The following FAM153A variants were observed in gnomAD, a reference collection of about 807,000 sequenced individuals.
FAM153A encodes protein FAM153A.
Under a neutral mutation model 48.1 loss-of-function variants are expected in FAM153A, and 12 were observed. The ratio of observed to expected loss-of-function variants is 0.25; its 90% CI spans 0.16 to 0.40. The LOEUF (loss-of-function observed/expected upper bound fraction) is 0.40, where lower values mean the gene tolerates loss of function less well. Among genes scored for constraint, FAM153A ranks in the 10% least tolerant of loss-of-function variants. FAM153A has a pLI of 1.00. For synonymous variants in FAM153A, 36 were observed against 118.2 expected (o/e 0.30, Z 4.51); for missense variants, 111 against 345.8 (o/e 0.32, Z 5.38).
chr5:177,709,360 A>ATTT (rs70994932), downstream of FAM153A, among the ~76,000 whole-genome samples: 246 of 124,398 alleles, frequency 2.0e-3, 7 homozygotes, highest in South Asian at 5.3e-3. Context: ...TGTAATTAGG[A>ATTT]TTTTTTTTTT....
rs1429678740 is a variant in FAM153A, at chr5:177,746,848, C to G, written c.259+921G>C. On this transcript the variant is annotated intron_variant, in intron 4 of 20. Coordinates refer to ENST00000614127, the Ensembl canonical transcript of FAM153A. ...TGTGAGATCTTGTTGGGTGCTGTGT[C>G]TTGGGTATGTGTGCTACTGAATTGG... 7.8e-3 allele frequency among the ~76,000 whole-genome samples: 1,170 copies of G among 150,884 alleles called. 16 individuals are homozygous for G. Among genetic ancestry groups the G allele is most frequent in the African/African-American group, 0.026 (1,059 of 40,668 alleles).
At chr5:177,753,897 C>G (rs945227275), upstream of FAM153A, among the ~76,000 whole-genome samples, 11 of 151,942 alleles carry the variant, frequency 7.2e-5, no homozygotes, top group South Asian at 2.3e-3. Flanking sequence ...CAGTCTGCAG[C>G]TCCCAGCGTG....
chr5:177,769,910 T>C lies in FAM153A; in HGVS notation c.-57+10539A>G, dbSNP rs1411794545. On this transcript the variant is annotated intron_variant, in intron 1 of 8. Coordinates refer to the FAM153A transcript ENST00000393518. The stretch of plus-strand genomic sequence containing the variant: ...GCAGTACTATATGATATGAAAAATA[T>C]ACAGAAAGAAAACTATCAATGCCCT... 1.8e-4 allele frequency among the ~76,000 whole-genome samples: 17 copies of C among 96,164 alleles called. 5 individuals carry two copies. The highest frequency in any genetic ancestry group is 7.0e-4 in the African/African-American group (17 of 24,306). The allele number at this position is 96,164 out of a possible 152,430, so 63.1% of individuals were successfully genotyped here. A position where few individuals can be genotyped will look rare whatever the true frequency, so the allele number is the denominator to read the frequency against.
chr5:177,761,961 C>T (rs1182434591), intron 1 of FAM153A, among the ~76,000 whole-genome samples: 2 of 28,546 alleles, frequency 7.0e-5, no homozygotes, highest in African/African-American at 1.5e-4. Flanking sequence ...AATAACCATC[C>T]GCAGCTGCCC....
chr5:177,702,385 C>T, the FAM153A span, among the ~76,000 whole-genome samples: 3 of 151,750 alleles, frequency 2.0e-5, no homozygotes, highest in Non-Finnish European at 4.4e-5. Flanking sequence ...ACAACCTACA[C>T]TCATATGCAT....
chr5:177,721,706 T>C (rs1272645435), downstream of FAM153A, among the ~76,000 whole-genome samples: 1 of 96,470 alleles, frequency 1.0e-5, no homozygotes, highest in Non-Finnish European at 2.1e-5. Context: ...TTTTTTTTTT[T>C]GTAGGGATGA....
At chr5:177,701,127 T>TC in the FAM153A span, among the ~76,000 whole-genome samples, 1 of 151,814 alleles carries the variant, frequency 6.6e-6, no homozygotes, top group Admixed American at 6.6e-5. Flanking sequence ...TCACTCCTGC[T>TC]CCCACCATGT....
At chr5:177,759,157 G>A (rs1460367752) in intron 1 of FAM153A, among the ~76,000 whole-genome samples, 1 of 151,884 alleles carries the variant, frequency 6.6e-6, no homozygotes, top group Admixed American at 6.5e-5. Context: ...AGTGGGCAAA[G>A]GATACGAAGA....
intron 14 of FAM153A, among the ~76,000 whole-genome samples, chr5:177,733,809 A>AATAAAGT (rs1348314095): frequency 1.6e-5 from 2 of 122,122 alleles, no homozygotes; most frequent in Non-Finnish European, 3.5e-5. Context: ...TTTATTAGAA[A>AATAAAGT]ATAAAGTATA....
At chr5:177,737,997 C>T (rs562960181) in intron 10 of FAM153A, among the ~76,000 whole-genome samples, 2 of 151,780 alleles carry the variant, frequency 1.3e-5, no homozygotes, top group Admixed American at 1.3e-4. Flanking sequence ...GTTTGTCCTT[C>T]TGCCCTTCCT....
At chr5:177,745,996 GT>G (rs1417449988) in intron 4 of FAM153A, among the ~76,000 whole-genome samples, 277 of 149,744 alleles carry the variant, frequency 1.8e-3, no homozygotes, top group African/African-American at 6.5e-3. Context: ...GCACACAGAA[GT>G]GCTGGAATAA....
chr5:177,705,275 G>C (rs1757774177), downstream of FAM153A, among the ~76,000 whole-genome samples: 2 of 151,668 alleles, frequency 1.3e-5, no homozygotes, highest in South Asian at 4.2e-4. Context: ...CTATACTCCA[G>C]CCAGAGTGAC....
At chr5:177,738,894 T>G (rs2127656079) in intron 10 of FAM153A, among the ~76,000 whole-genome samples, 1 of 151,452 alleles carries the variant, frequency 6.6e-6, no homozygotes, top group African/African-American at 2.4e-5. Context: ...CCCACCTTGA[T>G]GCACCTCATT....
chr5:177,770,826 GGCCGT>G (rs928849063), intron 1 of FAM153A, among the ~76,000 whole-genome samples: 3 of 99,090 alleles, frequency 3.0e-5, no homozygotes, highest in African/African-American at 1.2e-4. Flanking sequence ...TCATGGGGGA[GGCCGT>G]GCATGTGTGG....
chr5:177,758,989 C>A (rs1193810877), intron 1 of FAM153A, among the ~76,000 whole-genome samples: 2 of 151,686 alleles, frequency 1.3e-5, no homozygotes, highest in African/African-American at 4.9e-5. Flanking sequence ...TCTAATTAAA[C>A]TAAAGAGCTT....
Position 177,711,480 on chromosome 5 carries a change from T to TA in FAM153A, c.*3081dup, listed in dbSNP as rs1174284987. On this transcript the variant is annotated 3_prime_UTR_variant and NMD_transcript_variant, in exon 27 of 27. Transcript: ENST00000360669. ...AAATGACTGGAGAAGCCATGACTTT[T>TA]AAAAAATTGATAGCAGCCAATCCAT... The TA allele has an allele frequency of 9.2e-5, 14 of 151,802 alleles. No homozygotes were observed. In the East Asian group the frequency reaches 1.3e-3, roughly 15 times the overall value. The allele number at this position is 151,802 out of a possible 1,614,324, so 9.4% of individuals were successfully genotyped here.
chr5:177,708,826 G>A (rs1758089095), downstream of FAM153A, among the ~76,000 whole-genome samples: 1 of 151,562 alleles, frequency 6.6e-6, no homozygotes, highest in African/African-American at 2.4e-5. Context: ...CGGGCTCAGT[G>A]GCTCACGCCT....
chr5:177,739,093 G>A lies in FAM153A; in HGVS notation c.562+20C>T, dbSNP rs761784964. 13 of 1,612,512 alleles carry A rather than the reference G, an allele frequency of 8.1e-6. No homozygotes were observed. The highest frequency in any genetic ancestry group is 1.7e-5 in the Admixed American group (1 of 59,872). On this transcript the variant is annotated intron_variant, in intron 10 of 20. Transcript: ENST00000614127. The stretch of plus-strand genomic sequence containing the variant: ...CACTAAGATTTTTCCTTAGCAAAAA[G>A]GTGATCCCAGAATACATACCGTTGG...
the FAM153A span, among the ~76,000 whole-genome samples, chr5:177,697,077 T>C: frequency 2.0e-5 from 3 of 151,890 alleles, no homozygotes; most frequent in African/African-American, 7.3e-5. Flanking sequence ...TCCATAAATA[T>C]GGATGTCCCC....
Sources: gnomAD v4.1 joint callset for allele counts (sites outside exome capture counted in the v4.1 genomes callset) on GRCh38, gnomAD v4.1.1 for gene constraint, MANE v1.5 for transcripts, NCBI Gene and HGNC (gene_info 2026-07-23, HGNC 2026-07-21) for gene names.